The following TTC6 variants were observed in gnomAD, a reference collection of about 807,000 sequenced individuals.
The protein encoded by TTC6 is tetratricopeptide repeat domain 6, also known as tetratricopeptide repeat protein 6.
Under a neutral mutation model 210.4 loss-of-function variants are expected in TTC6, and 172 were observed. The observed-to-expected ratio is 0.82, with a 90% CI of 0.72 to 0.93. TTC6 has a LOEUF of 0.93. Among genes scored for constraint, TTC6 ranks in the 40% least tolerant of loss-of-function variants. The probability of loss-of-function intolerance (pLI) is 0.00; values close to 1 mark genes in which losing one functional copy is unlikely to be tolerated. For synonymous variants in TTC6, 804 were observed against 819.6 expected, an observed-to-expected ratio of 0.98 and a Z score of 0.32; for missense variants, 2,414 against 2,318.1, an observed-to-expected ratio of 1.04 and a Z score of -0.85.
At chr14:37,774,370 C>T (rs753676021) in intron 14 of TTC6, among the ~76,000 whole-genome samples, 10 of 152,054 alleles carry the variant, frequency 6.6e-5, no homozygotes, top group Non-Finnish European at 1.3e-4. Context: ...AGCTTCTGTC[C>T]ATCCAATTTG....
intron 25 of TTC6, 74 bp from the exon 28 acceptor site, chr14:37,817,504 C>A: frequency 1.5e-6 from 2 of 1,293,242 alleles, no homozygotes; most frequent in Non-Finnish European, 1.1e-6. Context: ...TGTGGAATCA[C>A]AGTTAGAAGG....
chr14:37,776,944 G>A (rs966029223), intron 14 of TTC6, among the ~76,000 whole-genome samples: 32 of 152,228 alleles, frequency 2.1e-4, no homozygotes, highest in Middle Eastern at 3.4e-3. Context: ...CTGGCTTCTA[G>A]GGTTTCTGCT....
chr14:37,722,225 G>A (rs1238547132), intron 6 of TTC6, among the ~76,000 whole-genome samples: 1 of 152,060 alleles, frequency 6.6e-6, no homozygotes, highest in Non-Finnish European at 1.5e-5. Flanking sequence ...AGGATGCAGA[G>A]TTAATCATTC....
intron 1 of TTC6, among the ~76,000 whole-genome samples, chr14:37,659,609 C>T (rs2095732712): frequency 6.6e-6 from 1 of 152,066 alleles, no homozygotes; most frequent in African/African-American, 2.4e-5. Context: ...CTCACTGCAA[C>T]CTCCCAGGTT....
chr14:37,601,601 T>C (rs1159321044), intron 1 of TTC6, among the ~76,000 whole-genome samples: 1 of 152,108 alleles, frequency 6.6e-6, no homozygotes, highest in Non-Finnish European at 1.5e-5. Flanking sequence ...GAGTGAAGAA[T>C]TGGATGGGAA....
intron 1 of TTC6, among the ~76,000 whole-genome samples, chr14:37,645,093 T>C (rs972108298): frequency 1.3e-5 from 2 of 152,170 alleles, no homozygotes; most frequent in African/African-American, 2.4e-5. Flanking sequence ...TAGTAGGGAG[T>C]ACAAGTCTGT....
chr14:37,692,737 T>G (rs2095806214), intron 3 of TTC6, among the ~76,000 whole-genome samples: 1 of 151,858 alleles, frequency 6.6e-6, no homozygotes. Flanking sequence ...TGCCTTTCTG[T>G]AAGCCCAGCT....
At chr14:37,618,158 TAG>T (rs2095645726), upstream of TTC6, among the ~76,000 whole-genome samples, 1 of 152,192 alleles carries the variant, frequency 6.6e-6, no homozygotes, top group Non-Finnish European at 1.5e-5. Context: ...ACAGGAGAAA[TAG>T]ACACAACTGC....
At chr14:37,670,807 A>G (rs1167232563) in intron 1 of TTC6, among the ~76,000 whole-genome samples, 1 of 152,066 alleles carries the variant, frequency 6.6e-6, no homozygotes, top group Admixed American at 6.6e-5. Flanking sequence ...GTAAAGCAAT[A>G]TGTATCTTTT....
At chr14:37,778,655 C>T (rs147674301) in intron 14 of TTC6, among the ~76,000 whole-genome samples, 19 of 152,132 alleles carry the variant, frequency 1.2e-4, no homozygotes, top group Non-Finnish European at 2.1e-4. Context: ...GCAGGTGGAC[C>T]GGTGCCTGTC....
At position 37,780,621 on chromosome 14, in the gene TTC6, G is replaced by T. The variant is rs2096051902; in HGVS notation, c.3267-6847G>T. On this transcript the variant is annotated intron_variant, in intron 14 of 30. Coordinates refer to ENST00000553443, the Ensembl canonical transcript of TTC6. ...CTGTGTAGTATTCCATGGTATATATGTACCACATTTTCTTTTTTTAAATTA... is the reference window on the plus strand; with the variant it reads ...CTGTGTAGTATTCCATGGTATATATTTACCACATTTTCTTTTTTTAAATTA... 2.6e-5 allele frequency among the ~76,000 whole-genome samples: 4 copies of T among 151,958 alleles called. No homozygotes were observed. The South Asian group carries it at 8.3e-4, about 32-fold the overall frequency.
chr14:37,798,720 G>A (rs555755352), intron 20 of TTC6, among the ~76,000 whole-genome samples: 1 of 151,878 alleles, frequency 6.6e-6, no homozygotes, highest in Admixed American at 6.6e-5. Context: ...TGAAGTTTGG[G>A]ATTGATTTTT....
chr14:37,780,693 C>A (rs56400031), intron 14 of TTC6, among the ~76,000 whole-genome samples: 24,177 of 151,892 alleles, frequency 0.16, 2,103 homozygotes, highest in East Asian at 0.37. Context: ...GCTTTGTTAC[C>A]TAGGTATACA....
rs940630245 is a variant in TTC6 at position 37,824,046 on chromosome 14, T to C, written c.4974+89T>C. 3.4e-6 allele frequency: 4 copies of C among 1,186,556 alleles called. No individual in the cohort carries two copies. The African/African-American group carries it at 6.2e-5, about 18-fold the overall frequency. 73.5% of individuals were successfully genotyped at this position (1,186,556 alleles called of 1,614,324 possible). A position where few individuals can be genotyped will look rare whatever the true frequency, so the allele number is the denominator to read the frequency against. The stretch of plus-strand genomic sequence containing the variant: ...TTCCTGGCAATGGGAGTATATGTTA[T>C]TTCTTTGGTTATGAACATTTACCTT... On this transcript the variant is annotated intron_variant, in intron 27 of 30. Coordinates refer to ENST00000553443, the Ensembl canonical transcript of TTC6.
At chr14:37,756,002 A>G (rs1473257624) in intron 14 of TTC6, among the ~76,000 whole-genome samples, 1 of 152,078 alleles carries the variant, frequency 6.6e-6, no homozygotes, top group Non-Finnish European at 1.5e-5. Flanking sequence ...ATGTTTTGCC[A>G]TTTGTTTGTC....
chr14:37,682,784 C>T, exon 3 of TTC6: 2 of 1,535,496 alleles, frequency 1.3e-6, no homozygotes, highest in African/African-American at 1.4e-5. Flanking sequence ...TTTCTGAAAC[C>T]ATGTCAAGTA....
chr14:37,665,293 A>G (rs1213348323), intron 1 of TTC6, among the ~76,000 whole-genome samples: 1 of 150,816 alleles, frequency 6.6e-6, no homozygotes, highest in East Asian at 1.9e-4. Context: ...TGTGGTATAT[A>G]TATACCATGG....
At chr14:37,811,069 C>G (rs1220180006) in intron 24 of TTC6, among the ~76,000 whole-genome samples, 1 of 152,148 alleles carries the variant, frequency 6.6e-6, no homozygotes, top group East Asian at 1.9e-4. Context: ...CAGGAGAGGC[C>G]AAGGCCCTGA....
intron 15 of TTC6, among the ~76,000 whole-genome samples, chr14:37,788,870 A>C (rs1223002803): frequency 6.6e-6 from 1 of 152,188 alleles, no homozygotes; most frequent in Non-Finnish European, 1.5e-5. Context: ...TGGCTCTATC[A>C]GCCCTATCCA....
Sources: gnomAD v4.1 joint callset for allele counts (sites outside exome capture counted in the v4.1 genomes callset) on GRCh38, gnomAD v4.1.1 for gene constraint, MANE v1.5 for transcripts, NCBI Gene and HGNC (gene_info 2026-07-23, HGNC 2026-07-21) for gene names.